Variants in TBX4 observed in about 807,000 individuals in gnomAD.
TBX4 encodes the protein T-box transcription factor TBX4.
TBX4 carries 13 observed loss-of-function variants against 54.6 expected under a neutral mutation model. The observed-to-expected ratio is 0.24, with a 90% CI of 0.15 to 0.38. The LOEUF is 0.38. TBX4 is among the 10% of genes least tolerant of loss of function. TBX4 has a pLI of 1.00. For missense variants in TBX4, 631 were observed against 728.5 expected (o/e 0.87, Z 1.54); for synonymous variants, 314 against 306.7 (o/e 1.02, Z -0.25).
intron 3 of TBX4, among the ~76,000 whole-genome samples, chr17:61,463,594 C>T (rs563571265): frequency 6.6e-6 from 1 of 152,238 alleles, no homozygotes; most frequent in African/African-American, 2.4e-5. Context: ...GGCCAGGGCC[C>T]CTTAGCCTCC....
rs2270150 is a variant in TBX4 at position 61,483,324 on chromosome 17, C to T, written c.1449C>T (p.Val483=). The T allele has an allele frequency of 0.13, 209,064 of 1,610,470 alleles. 14,077 individuals carry two copies. Among genetic ancestry groups the T allele is most frequent in the Non-Finnish European group, 0.14 (163,639 of 1,177,030 alleles). ...ACAATCAGCTCTCCCAGTCTCAGGT[C>T]CGAGAGCGGGGGCCCAGCGCCTCAT... The part of the protein sequence containing the change: ...SVYNQLSQSQ[V]RERGPSASFP... Residue 483 remains valine, a synonymous_variant, in exon 9 of 9, where the codon GTC becomes GTT. Coordinates refer to ENST00000644296, the MANE Select transcript of TBX4 (RefSeq NM_001321120.2). This position sits in a 1 kb window ranked among gnomAD's most constrained non-coding sequence, Gnocchi z 6.6.
chr17:61,460,524 G>A lies in TBX4; in HGVS notation c.281+2893G>A, dbSNP rs1038510735. Among the ~76,000 whole-genome samples, 1 of 152,144 alleles carries A rather than the reference G, an allele frequency of 6.6e-6. No individual in the cohort carries two copies. Among genetic ancestry groups the A allele is most frequent in the African/African-American group, 2.4e-5 (1 of 41,426 alleles). On this transcript the variant is annotated intron_variant, in intron 3 of 8. Coordinates refer to ENST00000644296, the MANE Select transcript of TBX4 (RefSeq NM_001321120.2). This position sits in a 1 kb window ranked among gnomAD's most constrained non-coding sequence, Gnocchi z 4.4. Reference sequence around the variant, plus strand: ...ACCACAGTGGGAGCCACCAGTTTCTGAATACTCAGCGACCTCCATGTCAGG... The same window carrying A: ...ACCACAGTGGGAGCCACCAGTTTCTAAATACTCAGCGACCTCCATGTCAGG...
rs981067605 is a variant in TBX4 at position 61,472,034 on chromosome 17, C to T, written c.549+4377C>T. Among the ~76,000 whole-genome samples, 24 of 151,898 alleles carry T rather than the reference C, an allele frequency of 1.6e-4. No individual in the cohort carries two copies. The highest frequency in any genetic ancestry group is 2.2e-4 in the African/African-American group (9 of 41,332). On this transcript the variant is annotated intron_variant, in intron 5 of 8. Transcript: ENST00000644296. The surrounding 1 kb of genome is among the most constrained non-coding windows in gnomAD (Gnocchi z 4.5). Reference sequence around the variant, plus strand: ...CTGGGATTGCAGGCGTGTGCCACCGCGCCCGGCCTGCAGCTGCATAGAATT... The same window carrying T: ...CTGGGATTGCAGGCGTGTGCCACCGTGCCCGGCCTGCAGCTGCATAGAATT...
chr17:61,459,856 C>A lies in TBX4; in HGVS notation c.281+2225C>A, dbSNP rs2060482551. On this transcript the variant is annotated intron_variant, in intron 3 of 8. Coordinates refer to ENST00000644296, the MANE Select transcript of TBX4 (RefSeq NM_001321120.2). The surrounding 1 kb of genome is among the most constrained non-coding windows in gnomAD (Gnocchi z 4.8). ...TAGTCTCATGCCCCCAACCCCTCAC[C>A]CCTCACAGACCCCATTTCCTCCTTC... Among the ~76,000 whole-genome samples, 1 of 151,992 alleles carries A rather than the reference C, an allele frequency of 6.6e-6. No homozygotes were observed. Among genetic ancestry groups the A allele is most frequent in the South Asian group, 2.1e-4 (1 of 4,812 alleles).
At chr17:61,456,235 C>T (rs2060447772) in intron 1 of TBX4, among the ~76,000 whole-genome samples, 1 of 152,236 alleles carries the variant, frequency 6.6e-6, no homozygotes, top group South Asian at 2.1e-4. Context: ...CTACTCATCA[C>T]AGAACCCCAC....
chr17:61,480,013 A>G lies in TBX4; in HGVS notation c.791+44A>G, dbSNP rs778450934. 6 of 1,612,666 alleles carry G rather than the reference A, an allele frequency of 3.7e-6. No homozygotes were observed. Among genetic ancestry groups the G allele is most frequent in the Non-Finnish European group, 5.1e-6 (6 of 1,178,736 alleles). On this transcript the variant is annotated intron_variant, in intron 7 of 8. Coordinates refer to ENST00000644296, the MANE Select transcript of TBX4 (RefSeq NM_001321120.2). This position sits in a 1 kb window ranked among gnomAD's most constrained non-coding sequence, Gnocchi z 6.2. ...GGGGTGGGGCGGGCAGATGGGATTC[A>G]GGCACGTGGCCTCTGTGACCCTCGA...
rs886916547 is a variant in TBX4, at chr17:61,471,321, C to T, written c.549+3664C>T. On this transcript the variant is annotated intron_variant, in intron 5 of 8. Transcript: ENST00000644296. ...GTCCTCATTCCATGCTGTCAGAGCA[C>T]TATGCACCTTTTCATGCTAGTACTT... is the stretch of plus-strand genomic sequence containing the variant. Among the ~76,000 whole-genome samples the T allele has an allele frequency of 2.6e-5, 4 of 152,340 alleles. No homozygotes were observed. In the East Asian group the frequency reaches 7.7e-4, roughly 29 times the overall value.
chr17:61,479,980 G>T lies in TBX4; in HGVS notation c.791+11G>T, dbSNP rs368363345. Reference sequence around the variant, plus strand: ...GGCCCGACTGCAGAGGTGGGGCTGCGTAGCCTGGGGGTGGGGCGGGCAGAT... The same window carrying T: ...GGCCCGACTGCAGAGGTGGGGCTGCTTAGCCTGGGGGTGGGGCGGGCAGAT... On this transcript the variant is annotated intron_variant, in intron 7 of 8. Transcript: ENST00000644296. The surrounding 1 kb of genome is among the most constrained non-coding windows in gnomAD (Gnocchi z 6.1). The T allele has an allele frequency of 2.5e-5, 40 of 1,613,798 alleles. No homozygotes were observed. Among genetic ancestry groups the T allele is most frequent in the Admixed American group, 3.3e-5 (2 of 59,994 alleles).
chr17:61,465,947 A>T lies in TBX4; in HGVS notation c.401+9A>T, dbSNP rs752314807. On this transcript the variant is annotated intron_variant, in intron 4 of 8. Transcript: ENST00000644296. The surrounding 1 kb of genome is among the most constrained non-coding windows in gnomAD (Gnocchi z 4.9). Reference sequence around the variant, plus strand: ...TTCTGTGACAACAAATGGTAAGTGGACCCTGACCGCATCACCCACGTTCCC... The same window carrying T: ...TTCTGTGACAACAAATGGTAAGTGGTCCCTGACCGCATCACCCACGTTCCC... 1.2e-6 allele frequency: 2 copies of T among 1,613,656 alleles called. No individual in the cohort carries two copies. Among genetic ancestry groups the T allele is most frequent in the Non-Finnish European group, 1.7e-6 (2 of 1,179,712 alleles).
rs2060544889 is a variant in TBX4 at position 61,467,493 on chromosome 17, A to T, written c.402-17A>T. 6.2e-7 allele frequency: 1 copy of T among 1,614,036 alleles called. No homozygotes were observed. Among genetic ancestry groups the T allele is most frequent in the Non-Finnish European group, 8.5e-7 (1 of 1,180,024 alleles). ...GCCCCTGGAGTAATCACCTGCTCTTATCTGCTCTGTTGGCAGGATGGTGGC... is the reference window on the plus strand; with the variant it reads ...GCCCCTGGAGTAATCACCTGCTCTTTTCTGCTCTGTTGGCAGGATGGTGGC... On this transcript the variant is annotated splice_polypyrimidine_tract_variant and intron_variant, in intron 4 of 8. Coordinates refer to ENST00000644296, the MANE Select transcript of TBX4 (RefSeq NM_001321120.2).
rs148239257 is a variant in TBX4, at chr17:61,473,304, T to C, written c.550-5323T>C. ...TATTTCTGCTCATTTTCGGAGTTACTATGTGACTGCCCCACCAGATAGTAA... is the reference window on the plus strand; with the variant it reads ...TATTTCTGCTCATTTTCGGAGTTACCATGTGACTGCCCCACCAGATAGTAA... On this transcript the variant is annotated intron_variant, in intron 5 of 8. Transcript: ENST00000644296. Among the ~76,000 whole-genome samples the C allele has an allele frequency of 1.2e-3, 188 of 152,346 alleles. 3 individuals are homozygous for C. In the East Asian group the frequency reaches 0.034, roughly 27 times the overall value.
At position 61,478,461 on chromosome 17, in the gene TBX4, AG is replaced by A. The variant is rs1360468482; in HGVS notation, c.550-162del. 144 of 875,876 alleles carry A rather than the reference AG, an allele frequency of 1.6e-4. No homozygotes were observed. The highest frequency in any genetic ancestry group is 4.8e-5 in the Non-Finnish European group (27 of 558,132). 54.3% of individuals were successfully genotyped at this position (875,876 alleles called of 1,614,324 possible). A position where few individuals can be genotyped will look rare whatever the true frequency, so the allele number is the denominator to read the frequency against. On this transcript the variant is annotated intron_variant, in intron 5 of 8. Transcript: ENST00000644296. The surrounding 1 kb of genome is among the most constrained non-coding windows in gnomAD (Gnocchi z 7.4). ...CTGGGGTGGGGAGAGTTTGGGGCCC[AG>A]GGGCCTGGTTCTTCACTTGGGAGCT...
At chr17:61,456,725 C>A (rs1555880986) in intron 2 of TBX4, 49 bp downstream of exon 2, 2 of 1,307,290 alleles carry the variant, frequency 1.5e-6, no homozygotes, top group Middle Eastern at 2.9e-4. Flanking sequence ...GGTCTGTCTG[C>A]GGGGCCGCCT....
rs768186954 is a variant in TBX4 at position 61,461,895 on chromosome 17, T to A, written c.282-3924T>A. Among the ~76,000 whole-genome samples, 4 of 149,654 alleles carry A rather than the reference T, an allele frequency of 2.7e-5. No individual in the cohort carries two copies. The highest frequency in any genetic ancestry group is 9.9e-5 in the African/African-American group (4 of 40,436). On this transcript the variant is annotated intron_variant, in intron 3 of 8. Transcript: ENST00000644296. This position sits in a 1 kb window ranked among gnomAD's most constrained non-coding sequence, Gnocchi z 5.1. ...CGAGAAAGTCGGGGCTGCAGCGGGGTTGGGGCTTGGGGGACCCTCCAGGTG... is the reference window on the plus strand; with the variant it reads ...CGAGAAAGTCGGGGCTGCAGCGGGGATGGGGCTTGGGGGACCCTCCAGGTG...
At chr17:61,455,721 G>A (rs757928842) in intron 1 of TBX4, among the ~76,000 whole-genome samples, 5 of 152,202 alleles carry the variant, frequency 3.3e-5, no homozygotes, top group Middle Eastern at 3.2e-3. Context: ...CTGTAGGTTC[G>A]AACTCGAGCA....
At chr17:61,452,773 C>T (rs917443450) in intron 1 of TBX4, among the ~76,000 whole-genome samples, 196 bp downstream of exon 1, 35 of 152,184 alleles carry the variant, frequency 2.3e-4, no homozygotes, top group African/African-American at 8.0e-4. Flanking sequence ...GCCGCCGCCT[C>T]GGCCCGACAC....
chr17:61,477,941 C>CAAAAAAAAAAAAAA (rs10617980), intron 5 of TBX4, among the ~76,000 whole-genome samples: 2 of 88,664 alleles, frequency 2.3e-5, no homozygotes, highest in African/African-American at 4.0e-5. Context: ...GATTCCATCT[C>CAAAAAAAAAAAAAA]AAAAAAAAAA....
rs1395561070 is a variant in TBX4, at chr17:61,478,352, T to G, written c.550-275T>G. ...CAGTGTTAAGGGCTGACTCAAGTTCTCCATTACCACAGTGAATCAACTGGT... is the reference window on the plus strand; with the variant it reads ...CAGTGTTAAGGGCTGACTCAAGTTCGCCATTACCACAGTGAATCAACTGGT... On this transcript the variant is annotated intron_variant, in intron 5 of 8. Coordinates refer to ENST00000644296, the MANE Select transcript of TBX4 (RefSeq NM_001321120.2). The surrounding 1 kb of genome is among the most constrained non-coding windows in gnomAD (Gnocchi z 7.4). 1 of 513,568 alleles carries G rather than the reference T, an allele frequency of 1.9e-6. No individual in the cohort carries two copies. Among genetic ancestry groups the G allele is most frequent in the Non-Finnish European group, 3.5e-6 (1 of 283,706 alleles). The allele number at this position is 513,568 out of a possible 1,614,324, so 31.8% of individuals were successfully genotyped here. A position where few individuals can be genotyped will look rare whatever the true frequency, so the allele number is the denominator to read the frequency against.
In TBX4 at chr17:61,474,681, T is replaced by C. The variant is rs141599684; in HGVS notation, c.550-3946T>C. ...TGTGAAACGATGATGACGGAACCAG[T>C]CATGTAGTGGGGTTGTTGACGTGGC... On this transcript the variant is annotated intron_variant, in intron 5 of 8. Transcript: ENST00000644296. This position sits in a 1 kb window ranked among gnomAD's most constrained non-coding sequence, Gnocchi z 4.6. Among the ~76,000 whole-genome samples the C allele has an allele frequency of 6.6e-6, 1 of 152,344 alleles. No homozygotes were observed. The highest frequency in any genetic ancestry group is 1.5e-5 in the Non-Finnish European group (1 of 68,034).
Sources: gnomAD v4.1 joint callset for allele counts (sites outside exome capture counted in the v4.1 genomes callset) on GRCh38, gnomAD v4.1.1 for gene constraint, Gnocchi (gnomAD v3.1) non-coding constraint, MANE v1.5 for transcripts, NCBI Gene and HGNC (gene_info 2026-07-23, HGNC 2026-07-21) for gene names.